The following OR52I2 variants were observed in gnomAD, a reference collection of about 807,000 sequenced individuals.
The protein encoded by OR52I2 is olfactory receptor 52I2.
For synonymous variants in OR52I2, 147 were observed against 151.9 expected, an observed-to-expected ratio of 0.97 and a Z score of 0.24; for missense variants, 350 against 402.4, an observed-to-expected ratio of 0.87 and a Z score of 1.11.
exon 2 of OR52I2, chr11:4,586,953 C>A: frequency 1.9e-6 from 3 of 1,614,132 alleles, no homozygotes; most frequent in Non-Finnish European, 2.5e-6. Context: ...TTGTGGGTAT[C>A]CCAGGACTGC....
At position 4,587,731 on chromosome 11, in the gene OR52I2, C is replaced by T. The variant is rs913262038; in HGVS notation, c.841C>T (p.Leu281=). 4 of 1,614,078 alleles carry T rather than the reference C, an allele frequency of 2.5e-6. No individual in the cohort carries two copies. In the African/African-American group the frequency reaches 5.3e-5, roughly 22 times the overall value. ...AGTGCCCTTGCACACCCAAGTCCTG[C>T]TAGCTGACCTGTACGTGATCATCCC... Residue 281 remains leucine (L), a synonymous_variant, in exon 2 of 2, where the codon CTA becomes TTA. Coordinates refer to ENST00000641896, the Ensembl canonical transcript of OR52I2.
intron 1 of OR52I2, among the ~76,000 whole-genome samples, chr11:4,583,264 G>A (rs1242585679): frequency 1.3e-5 from 2 of 151,878 alleles, no homozygotes; most frequent in Non-Finnish European, 2.9e-5. Flanking sequence ...AAAAGTAAAT[G>A]AAGAATTAAA....
chr11:4,586,788 T>C (rs369842491), intron 1 of OR52I2, 84 bp from the exon 2 acceptor site: 12 of 1,592,898 alleles, frequency 7.5e-6, no homozygotes, highest in Middle Eastern at 1.7e-4. Context: ...AAGCTGAGAA[T>C]ATCCTTAGGT....
At chr11:4,587,774 T>A in exon 2 of OR52I2, 1 of 1,614,146 alleles carries the variant, frequency 6.2e-7, no homozygotes. Context: ...TTAAATCCCA[T>A]CATCTATGGC....
At chr11:4,586,438 C>A (rs1846301622) in intron 1 of OR52I2, among the ~76,000 whole-genome samples, 1 of 152,146 alleles carries the variant, frequency 6.6e-6, no homozygotes, top group Non-Finnish European at 1.5e-5. Flanking sequence ...TATTAATAGA[C>A]TTCTTTTTAA....
At chr11:4,588,099 T>C in exon 2 of OR52I2, 1 of 538,080 alleles carries the variant, frequency 1.9e-6, no homozygotes, top group South Asian at 2.3e-5. Flanking sequence ...AGAATACACA[T>C]TTGATTGAAC....
chr11:4,587,193 T>C (rs1846309565), exon 2 of OR52I2: 1 of 1,614,176 alleles, frequency 6.2e-7, no homozygotes. Context: ...TTAGTGCTTG[T>C]TTCACTCAGA....
At chr11:4,592,337 G>C (rs760817335) in exon 2 of OR52I2, 3 of 152,148 alleles carry the variant, frequency 2.0e-5, no homozygotes, top group Non-Finnish European at 2.9e-5. Context: ...CGATAGAGTA[G>C]GGTTTTCAGT....
exon 2 of OR52I2, chr11:4,589,971 TA>T (rs1450472831): frequency 6.6e-6 from 1 of 152,120 alleles, no homozygotes; most frequent in Non-Finnish European, 1.5e-5. Flanking sequence ...TAGTTTTAAG[TA>T]ATTGGCTCTC....
chr11:4,581,901 T>C lies in OR52I2; in HGVS notation c.-20+37T>C, dbSNP rs535949367. 3 of 152,302 alleles carry C rather than the reference T, an allele frequency of 2.0e-5. No individual in the cohort carries two copies. In the East Asian group the frequency reaches 5.8e-4, roughly 29 times the overall value. The allele number at this position is 152,302 out of a possible 1,614,324, so 9.4% of individuals were successfully genotyped here. The stretch of plus-strand genomic sequence containing the variant: ...ACCTGGGAATCAGGTGTTGGGCTGA[T>C]AGAGATCGAATGTTGGGCTGATGAC... On this transcript the variant is annotated intron_variant, in intron 1 of 1. Coordinates refer to ENST00000641896, the Ensembl canonical transcript of OR52I2.
intron 1 of OR52I2, among the ~76,000 whole-genome samples, chr11:4,582,408 T>A (rs1171465400): frequency 6.6e-6 from 1 of 151,108 alleles, no homozygotes; most frequent in Admixed American, 6.6e-5. Context: ...TAAGAAACTT[T>A]TTATTTTTAT....
At chr11:4,581,913 G>A (rs191183223) in intron 1 of OR52I2, 49 bp downstream of exon 1, 22 of 152,392 alleles carry the variant, frequency 1.4e-4, no homozygotes, top group African/African-American at 5.1e-4. Flanking sequence ...GAGATCGAAT[G>A]TTGGGCTGAT....
exon 1 of OR52I2, chr11:4,581,844 A>C (rs567480055): frequency 2.0e-5 from 3 of 152,382 alleles, no homozygotes; most frequent in African/African-American, 7.2e-5. Context: ...GGGAAAGTTG[A>C]ATAGAGAAGA....
exon 2 of OR52I2, chr11:4,587,133 G>A: frequency 4.3e-6 from 7 of 1,614,170 alleles, no homozygotes; most frequent in African/African-American, 1.3e-5. Context: ...CCTCCTCGGT[G>A]GTACCCAAGA....
At chr11:4,586,823 A>C in intron 1 of OR52I2, 49 bp from the exon 2 acceptor site, 1 of 1,613,014 alleles carries the variant, frequency 6.2e-7, no homozygotes. Context: ...ATGTGTCAAC[A>C]AATCTTACGG....
rs140300674 is a variant in OR52I2, at chr11:4,587,065, C to T, written c.175C>T (p.Arg59Trp). Residue 59 changes from arginine to tryptophan, a missense_variant, in exon 2 of 2, where the codon CGG becomes TGG. Coordinates refer to ENST00000641896, the Ensembl canonical transcript of OR52I2. ...GACTGCAATCTGGATGGATTCCACT[C>T]GGCATGAGCCCATGTATTGCTTTCT... 1,517 of 1,614,020 alleles carry T rather than the reference C, an allele frequency of 9.4e-4. 8 individuals carry two copies. The African/African-American group carries it at 0.017, about 18-fold the overall frequency.
exon 2 of OR52I2, chr11:4,590,982 A>G (rs1242329738): frequency 4.6e-5 from 7 of 152,178 alleles, no homozygotes; most frequent in Non-Finnish European, 2.9e-5. Context: ...ACAGTCTGTA[A>G]TCATGTCTCC....
Position 4,586,855 on chromosome 11 carries a change from C to T in OR52I2, c.-19-17C>T. On this transcript the variant is annotated splice_polypyrimidine_tract_variant and intron_variant, in intron 1 of 1. Coordinates refer to ENST00000641896, the Ensembl canonical transcript of OR52I2. ...ACGGGATTGCATTCTTCTCATACAT[C>T]ATTTGTGCATTAACAGGAAAAAAGT... 6.2e-7 allele frequency: 1 copy of T among 1,614,078 alleles called. No individual in the cohort carries two copies. Among genetic ancestry groups the T allele is most frequent in the Non-Finnish European group, 8.5e-7 (1 of 1,179,968 alleles).
At chr11:4,587,000 C>CCATGTA in exon 2 of OR52I2, 1 of 1,614,148 alleles carries the variant, frequency 6.2e-7, no homozygotes, top group South Asian at 1.1e-5. Flanking sequence ...TCACTGAGTG[C>CCATGTA]CATGTACATC....
Sources: gnomAD v4.1 joint callset for allele counts (sites outside exome capture counted in the v4.1 genomes callset) on GRCh38, gnomAD v4.1.1 for gene constraint, MANE v1.5 for transcripts, NCBI Gene and HGNC (gene_info 2026-07-23, HGNC 2026-07-21) for gene names.